The following STXBP5L variants were observed in gnomAD, a reference collection of about 807,000 sequenced individuals.
STXBP5L encodes syntaxin binding protein 5L, also known as syntaxin-binding protein 5-like.
STXBP5L carries 65 observed loss-of-function variants against 144.5 expected under a neutral mutation model. That is an observed-to-expected ratio of 0.45 (90% CI 0.37 to 0.55). The LOEUF is 0.55. STXBP5L is among the 20% of genes least tolerant of loss of function. The pLI is 0.00. For missense variants in STXBP5L, 1,298 were observed against 1,405.5 expected (o/e 0.92, Z 1.22); for synonymous variants, 505 against 469.6 (o/e 1.08, Z -0.97).
At chr3:121,339,947 G>T (rs557956447) in intron 20 of STXBP5L, among the ~76,000 whole-genome samples, 40 of 152,180 alleles carry the variant, frequency 2.6e-4, no homozygotes, top group Admixed American at 2.4e-3. Context: ...TCATGGATTG[G>T]AAGAATCAGT....
chr3:121,052,845 C>A (rs941683193), intron 5 of STXBP5L, among the ~76,000 whole-genome samples: 1 of 152,138 alleles, frequency 6.6e-6, no homozygotes, highest in Non-Finnish European at 1.5e-5. Flanking sequence ...ATCTAGAAAA[C>A]CCCATTGTCT....
At chr3:121,239,172 C>G (rs1236756170) in intron 13 of STXBP5L, 54 bp downstream of exon 13, 1 of 1,062,232 alleles carries the variant, frequency 9.4e-7, no homozygotes, top group Non-Finnish European at 1.3e-6. Flanking sequence ...CATGATCATA[C>G]TTTTTTCCAT....
At chr3:120,980,038 T>C (rs1243591626) in intron 3 of STXBP5L, among the ~76,000 whole-genome samples, 1 of 152,202 alleles carries the variant, frequency 6.6e-6, no homozygotes, top group Non-Finnish European at 1.5e-5. Flanking sequence ...TTTTGATAGT[T>C]TCTGTTGGTG....
At chr3:121,153,141 T>A (rs1559801998) in intron 8 of STXBP5L, among the ~76,000 whole-genome samples, 1 of 152,092 alleles carries the variant, frequency 6.6e-6, no homozygotes, top group Non-Finnish European at 1.5e-5. Flanking sequence ...TTGTATGTAA[T>A]TGAGACTTGA....
At chr3:121,029,522 C>G (rs751304681) in intron 3 of STXBP5L, among the ~76,000 whole-genome samples, 1 of 151,944 alleles carries the variant, frequency 6.6e-6, no homozygotes, top group Non-Finnish European at 1.5e-5. Context: ...CCTTATACAA[C>G]AATTAATGCA....
chr3:121,115,179 A>G (rs1460096685), intron 6 of STXBP5L, 120 bp downstream of exon 6: 4 of 1,003,448 alleles, frequency 4.0e-6, no homozygotes, highest in Non-Finnish European at 4.2e-6. Context: ...ATTTGAGTGA[A>G]AAGTTCAGTA....
At chr3:121,234,916 C>A (rs1334224990) in intron 12 of STXBP5L, among the ~76,000 whole-genome samples, 2 of 151,924 alleles carry the variant, frequency 1.3e-5, no homozygotes, top group Non-Finnish European at 2.9e-5. Context: ...TTGTTGGTTA[C>A]TCGTACTTTG....
intron 20 of STXBP5L, among the ~76,000 whole-genome samples, chr3:121,340,769 C>T (rs975699747): frequency 6.6e-6 from 1 of 152,060 alleles, no homozygotes; most frequent in South Asian, 2.1e-4. Context: ...TAGAAAGACC[C>T]AGGTGAACCA....
intron 9 of STXBP5L, among the ~76,000 whole-genome samples, chr3:121,182,677 A>C (rs2047209161): frequency 6.6e-6 from 1 of 152,198 alleles, no homozygotes; most frequent in Non-Finnish European, 1.5e-5. Context: ...AAATTGAAAC[A>C]AAAAATATGC....
At chr3:121,311,446 G>A (rs1302161378) in intron 19 of STXBP5L, among the ~76,000 whole-genome samples, 14 of 152,196 alleles carry the variant, frequency 9.2e-5, no homozygotes, top group Admixed American at 7.2e-4. Context: ...AATTAAAAGT[G>A]TGGTATATCT....
rs560011876 is a variant in STXBP5L, at chr3:121,146,575, A to G, written c.670-5902A>G. Among the ~76,000 whole-genome samples, 3 of 152,250 alleles carry G rather than the reference A, an allele frequency of 2.0e-5. No homozygotes were observed. In the South Asian group the frequency reaches 6.2e-4, roughly 32 times the overall value. ...AGACAATAATTTGCAAACTGCTAAA[A>G]CAACAATATGCTGTTACAAGAGATA... On this transcript the variant is annotated intron_variant, in intron 7 of 26. Coordinates refer to ENST00000471454, the MANE Select transcript of STXBP5L (RefSeq NM_001308330.2).
intron 5 of STXBP5L, among the ~76,000 whole-genome samples, chr3:121,060,094 T>C (rs925997544): frequency 1.3e-5 from 2 of 152,158 alleles, no homozygotes; most frequent in Admixed American, 1.3e-4. Context: ...TTCAGTATGA[T>C]ATTGGCTGTG....
At chr3:121,349,654 A>T (rs565530957) in intron 20 of STXBP5L, among the ~76,000 whole-genome samples, 1 of 152,082 alleles carries the variant, frequency 6.6e-6, no homozygotes, top group Non-Finnish European at 1.5e-5. Flanking sequence ...TATTGGGGGC[A>T]TATATATTTA....
chr3:121,275,802 T>G (rs1225457220), intron 18 of STXBP5L, among the ~76,000 whole-genome samples: 1 of 152,154 alleles, frequency 6.6e-6, no homozygotes, highest in African/African-American at 2.4e-5. Context: ...AATTTCCTTT[T>G]TCTGAAATAG....
chr3:121,338,204 T>A (rs1444741126), intron 20 of STXBP5L, among the ~76,000 whole-genome samples: 1 of 151,610 alleles, frequency 6.6e-6, no homozygotes, highest in African/African-American at 2.4e-5. Context: ...ATTATAAAGA[T>A]CAGAGCAGAA....
intron 19 of STXBP5L, among the ~76,000 whole-genome samples, chr3:121,300,169 C>T (rs1039590318): frequency 3.9e-5 from 6 of 151,950 alleles, no homozygotes; most frequent in African/African-American, 1.5e-4. Flanking sequence ...AACATAATGA[C>T]GTCTTTTAAG....
chr3:121,237,356 A>C (rs1375013363), intron 12 of STXBP5L, among the ~76,000 whole-genome samples: 1 of 152,080 alleles, frequency 6.6e-6, no homozygotes, highest in Non-Finnish European at 1.5e-5. Flanking sequence ...TGGGAGCTGG[A>C]GTTGTAGGGA....
At chr3:121,336,151 G>A (rs542239430) in intron 20 of STXBP5L, among the ~76,000 whole-genome samples, 5 of 152,190 alleles carry the variant, frequency 3.3e-5, no homozygotes, top group East Asian at 3.9e-4. Flanking sequence ...TGGCCAAAGA[G>A]CATATGAAAA....
chr3:121,232,301 GCCC>G (rs2049335237), intron 11 of STXBP5L, among the ~76,000 whole-genome samples: 1 of 152,034 alleles, frequency 6.6e-6, no homozygotes, highest in African/African-American at 2.4e-5. Flanking sequence ...CCCTAACAAA[GCCC>G]CCTTGTGGAG....
Sources: gnomAD v4.1 joint callset for allele counts (sites outside exome capture counted in the v4.1 genomes callset) on GRCh38, gnomAD v4.1.1 for gene constraint, MANE v1.5 for transcripts, NCBI Gene and HGNC (gene_info 2026-07-23, HGNC 2026-07-21) for gene names.